The following OSBPL2 variants were observed in gnomAD, a reference collection of about 807,000 sequenced individuals.
OSBPL2 encodes the protein oxysterol binding protein like 2, also known as oxysterol-binding protein-related protein 2.
In OSBPL2, 18 loss-of-function variants were observed where a neutral mutation model predicts 58.4. The observed-to-expected ratio is 0.31, with a 90% CI of 0.21 to 0.46. The LOEUF (loss-of-function observed/expected upper bound fraction) is 0.46. Ranked by LOEUF, OSBPL2 falls within the 20% of genes least tolerant of loss-of-function variation. The pLI is 1.00. For synonymous variants in OSBPL2, 221 were observed against 234.1 expected (o/e 0.94, Z 0.51); for missense variants, 461 against 616.5 (o/e 0.75, Z 2.67).
chr20:62,259,894 C>T (rs2033361729), intron 2 of OSBPL2, 87 bp from the exon 3 acceptor site: 6 of 1,235,660 alleles, frequency 4.9e-6, no homozygotes. Flanking sequence ...CTGTAGTCAC[C>T]TGCTTGCATA....
intron 10 of OSBPL2, 134 bp from the exon 11 acceptor site, chr20:62,286,449 G>GAAAAA: frequency 6.1e-6 from 5 of 819,626 alleles, no homozygotes; most frequent in Non-Finnish European, 9.2e-6. Flanking sequence ...GACTCCGTCT[G>GAAAAA]AAAAAAAAAA....
intron 6 of OSBPL2, among the ~76,000 whole-genome samples, chr20:62,277,775 T>C (rs1391182335): frequency 6.6e-6 from 1 of 152,248 alleles, no homozygotes; most frequent in East Asian, 1.9e-4. Flanking sequence ...TTAGCTTTTC[T>C]AATTTTTAAT....
At position 62,256,184 on chromosome 20, in the gene OSBPL2, G is replaced by A. The variant is rs757682809; in HGVS notation, c.-1G>A. Reference sequence around the variant, plus strand: ...GGGCAGTGGAGGCTGGCTGCTGAAGGATGAACGGAGAGGAAGAATTCTTTG... The same window carrying A: ...GGGCAGTGGAGGCTGGCTGCTGAAGAATGAACGGAGAGGAAGAATTCTTTG... On this transcript the variant is annotated 5_prime_UTR_variant, in exon 2 of 14. Coordinates refer to ENST00000313733, the MANE Select transcript of OSBPL2 (RefSeq NM_144498.4). 1.2e-6 allele frequency: 2 copies of A among 1,613,970 alleles called. No homozygotes were observed. Among genetic ancestry groups the A allele is most frequent in the Admixed American group, 3.3e-5 (2 of 60,012 alleles).
At chr20:62,241,250 A>G (rs777191126) in intron 1 of OSBPL2, among the ~76,000 whole-genome samples, 15 of 151,892 alleles carry the variant, frequency 9.9e-5, no homozygotes, top group Non-Finnish European at 7.4e-5. Context: ...GGCTCACTGC[A>G]AACGCGAACT....
chr20:62,274,198 G>A (rs1221127249), intron 6 of OSBPL2, among the ~76,000 whole-genome samples: 1 of 152,200 alleles, frequency 6.6e-6, no homozygotes, highest in Non-Finnish European at 1.5e-5. Flanking sequence ...GGGGACTGCT[G>A]TGGTTATTCA....
At chr20:62,289,376 C>T (rs1160654231) in intron 12 of OSBPL2, 46 bp downstream of exon 12, 1 of 1,596,536 alleles carries the variant, frequency 6.3e-7, no homozygotes, top group Non-Finnish European at 8.5e-7. Context: ...CAAGGACGCC[C>T]TGGCTAGGGT....
intron 11 of OSBPL2, 96 bp from the exon 12 acceptor site, chr20:62,289,111 C>G (rs1983324211): frequency 7.1e-7 from 1 of 1,404,254 alleles, no homozygotes; most frequent in Admixed American, 2.0e-5. Flanking sequence ...AGTCAGGTAG[C>G]ACCTGCGGGA....
chr20:62,250,535 G>A lies in OSBPL2; in HGVS notation c.-128-5522G>A, dbSNP rs59235177. On this transcript the variant is annotated intron_variant, in intron 1 of 13. Coordinates refer to ENST00000313733, the MANE Select transcript of OSBPL2 (RefSeq NM_144498.4). Reference sequence around the variant, plus strand: ...AGTTGTCCAGCTAAGCTTGTGTCTGGCATCTTAATCCTCATTTTAAAGATT... The same window carrying A: ...AGTTGTCCAGCTAAGCTTGTGTCTGACATCTTAATCCTCATTTTAAAGATT... 2.3e-3 allele frequency among the ~76,000 whole-genome samples: 345 copies of A among 152,268 alleles called. 3 individuals carry two copies. Among genetic ancestry groups the A allele is most frequent in the African/African-American group, 8.1e-3 (337 of 41,538 alleles).
intron 1 of OSBPL2, among the ~76,000 whole-genome samples, chr20:62,246,577 C>T (rs893807950): frequency 1.3e-5 from 2 of 152,174 alleles, no homozygotes; most frequent in African/African-American, 4.8e-5. Context: ...GGCTGAAATG[C>T]TAGCTGAGAA....
intron 4 of OSBPL2, among the ~76,000 whole-genome samples, chr20:62,268,622 CTG>C (rs1981851031): frequency 6.6e-6 from 1 of 152,088 alleles, no homozygotes; most frequent in Non-Finnish European, 1.5e-5. Context: ...TTTTTAGAGA[CTG>C]AGTCTTGCTG....
rs1426239190 is a variant in OSBPL2, at chr20:62,281,810, T to C, written c.803T>C (p.Leu268Pro). The change falls in exon 9 of 14, where the codon CTT (leucine) becomes CCT (proline). Residue 268 changes from leucine to proline, a missense_variant. Leu to Pro is a moderately conservative substitution (Grantham distance 98). This residue lies in a region of OSBPL2 where 319 missense variants were observed against 419.2 expected (regional missense o/e 0.76). Coordinates refer to ENST00000313733, the MANE Select transcript of OSBPL2 (RefSeq NM_144498.4). ...LNHRTGHKCV[L>P]HFKPCGLFGK... ...CACAGAACTGGACATAAGTGTGTGC[T>C]TCACTTTAAACCGTGTGGATTATTT... is the stretch of plus-strand genomic sequence containing the variant. The C allele has an allele frequency of 6.2e-7, 1 of 1,611,186 alleles. No individual in the cohort carries two copies. The highest frequency in any genetic ancestry group is 8.5e-7 in the Non-Finnish European group (1 of 1,177,436).
intron 1 of OSBPL2, among the ~76,000 whole-genome samples, chr20:62,245,387 C>T (rs146671424): frequency 1.6e-3 from 237 of 152,350 alleles, no homozygotes; most frequent in African/African-American, 5.4e-3. Flanking sequence ...GCCACCGCGC[C>T]CGGCCTGAAA....
chr20:62,284,374 A>ATTT, intron 10 of OSBPL2: 10 of 457,164 alleles, frequency 2.2e-5, no homozygotes, highest in Non-Finnish European at 3.1e-5. Flanking sequence ...ATTTCTTTCC[A>ATTT]TTTTTTTTTT....
intron 1 of OSBPL2, among the ~76,000 whole-genome samples, chr20:62,246,726 C>G (rs543443393): frequency 6.6e-6 from 1 of 152,318 alleles, no homozygotes; most frequent in Non-Finnish European, 1.5e-5. Context: ...TGCCCCTCCC[C>G]CTCAGTGCCA....
chr20:62,272,600 G>A (rs1353838741), intron 5 of OSBPL2, among the ~76,000 whole-genome samples: 1 of 152,216 alleles, frequency 6.6e-6, no homozygotes, highest in Non-Finnish European at 1.5e-5. Context: ...GTGTGTGCAT[G>A]TGTGTGACTG....
At chr20:62,243,714 G>A (rs1979893499) in intron 1 of OSBPL2, among the ~76,000 whole-genome samples, 1 of 152,126 alleles carries the variant, frequency 6.6e-6, no homozygotes, top group Non-Finnish European at 1.5e-5. Flanking sequence ...CCAAGTGCTG[G>A]AGGCCCACGG....
chr20:62,254,126 A>ATAAACAGACCTTT (rs1422336609), intron 1 of OSBPL2, among the ~76,000 whole-genome samples: 1 of 152,164 alleles, frequency 6.6e-6, no homozygotes, highest in African/African-American at 2.4e-5. Flanking sequence ...AGACCCTTTT[A>ATAAACAGACCTTT]TAAAACAGCA....
intron 4 of OSBPL2, among the ~76,000 whole-genome samples, chr20:62,264,076 A>G (rs997056922): frequency 1.3e-5 from 2 of 151,860 alleles, no homozygotes. Context: ...AAAAAAAAAA[A>G]AAAAAGAAAA....
At chr20:62,274,951 T>A (rs1445626606) in intron 6 of OSBPL2, among the ~76,000 whole-genome samples, 1 of 152,272 alleles carries the variant, frequency 6.6e-6, no homozygotes, top group Non-Finnish European at 1.5e-5. Context: ...TGTTGGGTTA[T>A]TTTATTATGA....
Sources: gnomAD v4.1 joint callset for allele counts (sites outside exome capture counted in the v4.1 genomes callset) on GRCh38, gnomAD v4.1.1 for gene constraint, gnomAD v4.1.1 regional missense constraint, MANE v1.5 for transcripts, NCBI Gene and HGNC (gene_info 2026-07-23, HGNC 2026-07-21) for gene names.